ABAT: variants seen among roughly 807,000 people sequenced by gnomAD.
ABAT encodes the protein 4-aminobutyrate aminotransferase.
In ABAT, 45 loss-of-function variants were observed where a neutral mutation model predicts 64.6. That is an observed-to-expected ratio of 0.70 (90% CI 0.55 to 0.89). ABAT has a LOEUF of 0.89. Among genes scored for constraint, ABAT ranks in the 40% least tolerant of loss-of-function variants. The pLI, the probability that ABAT is intolerant of heterozygous loss-of-function variation, is 0.00. For synonymous variants in ABAT, 297 were observed against 250.5 expected (o/e 1.19, Z -1.75); for missense variants, 633 against 658.4 (o/e 0.96, Z 0.42).
At chr16:8,680,909 GTTGTCTTT>G (rs758267897) in intron 1 of ABAT, among the ~76,000 whole-genome samples, 4 of 151,912 alleles carry the variant, frequency 2.6e-5, no homozygotes, top group East Asian at 3.9e-4. Flanking sequence ...TTTGAATTGA[GTTGTCTTT>G]TTGTCTTTTT....
chr16:8,772,637 C>A, intron 11 of ABAT, 143 bp from the exon 12 acceptor site: 2 of 1,166,536 alleles, frequency 1.7e-6, no homozygotes, highest in Non-Finnish European at 2.5e-6. Flanking sequence ...TAGCTTCTAA[C>A]AGAGGCTTCA....
At chr16:8,739,738 A>G (rs993783208) in intron 2 of ABAT, among the ~76,000 whole-genome samples, 1 of 140,180 alleles carries the variant, frequency 7.1e-6, no homozygotes, top group African/African-American at 2.6e-5. Context: ...GCATGGAAAT[A>G]CAGGCACAAT....
chr16:8,691,454 T>C (rs1035443873), intron 1 of ABAT, among the ~76,000 whole-genome samples: 2 of 152,146 alleles, frequency 1.3e-5, no homozygotes, highest in Non-Finnish European at 2.9e-5. Flanking sequence ...TTTTTTTTTT[T>C]TCCAAGACAG....
rs772511380 is a variant in ABAT, at chr16:8,738,616, G to GTTTTT, written c.70+2808_70+2812dup. ...TTTTTTCTTTTTTGTTTTTGTTTTT[G>GTTTTT]TTTTTGTTTTTGTTTTTTTTTTGGT... On this transcript the variant is annotated intron_variant, in intron 2 of 15. Coordinates refer to ENST00000268251, the MANE Select transcript of ABAT (RefSeq NM_020686.6). Among the ~76,000 whole-genome samples, 449 of 117,546 alleles carry GTTTTT rather than the reference G, an allele frequency of 3.8e-3. 67 individuals carry two copies. The highest frequency in any genetic ancestry group is 0.011 in the African/African-American group (282 of 26,210). The allele number at this position is 117,546 out of a possible 152,430, so 77.1% of individuals were successfully genotyped here. A position where few individuals can be genotyped will look rare whatever the true frequency, so the allele number is the denominator to read the frequency against.
chr16:8,700,693 A>T (rs138891887), intron 1 of ABAT, among the ~76,000 whole-genome samples: 124 of 152,186 alleles, frequency 8.1e-4, no homozygotes, highest in African/African-American at 2.8e-3. Flanking sequence ...AACTCCTGGG[A>T]TCAAGCAGTC....
chr16:8,776,478 G>A lies in ABAT; in HGVS notation c.1257G>A (p.Leu419=), dbSNP rs1192973748. The change falls in exon 14 of 16, where the codon CTG becomes CTA. Residue 419 remains leucine (L), a synonymous_variant. Transcript: ENST00000268251. This position sits in a 1 kb window ranked among gnomAD's most constrained non-coding sequence, Gnocchi z 4.4. ...CCGGGAAGGCCCTGCTCACAGGACT[G>A]CTGGACCTCCAGGTAACACCCCCTC... ...AHAGKALLTG[L]LDLQARYPQF... 28 of 1,613,800 alleles carry A rather than the reference G, an allele frequency of 1.7e-5. No individual in the cohort carries two copies. Among genetic ancestry groups the A allele is most frequent in the Non-Finnish European group, 2.4e-5 (28 of 1,179,952 alleles).
At chr16:8,774,853 G>A (rs751123601) in intron 12 of ABAT, 37 bp from the exon 13 acceptor site, 32 of 1,611,770 alleles carry the variant, frequency 2.0e-5, no homozygotes, top group Non-Finnish European at 2.6e-5. Flanking sequence ...GCCTCCCACG[G>A]GTGTTTATTT....
At chr16:8,728,163 GA>G (rs1177400770) in intron 1 of ABAT, among the ~76,000 whole-genome samples, 4 of 152,168 alleles carry the variant, frequency 2.6e-5, no homozygotes, top group African/African-American at 9.7e-5. Context: ...TGAATTAGTG[GA>G]TGAGAGGGAG....
chr16:8,741,351 G>C (rs1217325371), intron 2 of ABAT, among the ~76,000 whole-genome samples: 1 of 152,238 alleles, frequency 6.6e-6, no homozygotes, highest in Non-Finnish European at 1.5e-5. Context: ...ATCAAAGATA[G>C]CCTCAGTTCC....
chr16:8,779,612 C>T, intron 15 of ABAT, 22 bp downstream of exon 15: 1 of 1,596,326 alleles, frequency 6.3e-7, no homozygotes, highest in Middle Eastern at 1.7e-4. Flanking sequence ...GGAGTGGCTG[C>T]TGAGTTTCAT....
Position 8,707,249 on chromosome 16 carries a change from C to G in ABAT, c.-41-28450C>G, listed in dbSNP as rs529906241. Among the ~76,000 whole-genome samples the G allele has an allele frequency of 1.3e-3, 194 of 152,022 alleles. 2 individuals carry two copies. The highest frequency in any genetic ancestry group is 0.013 in the Admixed American group (191 of 15,246). On this transcript the variant is annotated intron_variant, in intron 1 of 15. Transcript: ENST00000268251. ...TCACCCAGGCTTGAGTACAGTGGTG[C>G]AATCATGGCTCACTGCAGCCTCGAC... is the stretch of plus-strand genomic sequence containing the variant.
At chr16:8,754,664 TTATTTATTTCTTTCTTTCTTTCTTTC>T (rs1381574915) in intron 5 of ABAT, among the ~76,000 whole-genome samples, 5 of 9,704 alleles carry the variant, frequency 5.2e-4, no homozygotes, top group Non-Finnish European at 2.1e-3. Context: ...GCAAGTTGAT[TTATTTATTTCTTTCTTTCTTTCTTTC>T]TTTCTTTCTT....
At chr16:8,730,477 T>C (rs2058685797) in intron 1 of ABAT, among the ~76,000 whole-genome samples, 1 of 152,196 alleles carries the variant, frequency 6.6e-6, no homozygotes, top group South Asian at 2.1e-4. Flanking sequence ...CACCTGAACC[T>C]GTACTCTGAA....
intron 6 of ABAT, among the ~76,000 whole-genome samples, chr16:8,758,116 G>C (rs1376634333): frequency 1.3e-5 from 2 of 152,214 alleles, no homozygotes; most frequent in African/African-American, 4.8e-5. Context: ...TTTATGGAGA[G>C]CATAATTTGT....
Position 8,764,695 on chromosome 16 carries a change from A to G in ABAT, c.448-43A>G. 1 of 1,555,290 alleles carries G rather than the reference A, an allele frequency of 6.4e-7. No homozygotes were observed. The highest frequency in any genetic ancestry group is 2.2e-5 in the East Asian group (1 of 44,574). On this transcript the variant is annotated intron_variant, in intron 7 of 15. Transcript: ENST00000268251. This position sits in a 1 kb window ranked among gnomAD's most constrained non-coding sequence, Gnocchi z 4.2. The stretch of plus-strand genomic sequence containing the variant: ...CAGCCAGGGGAAGCGGGAGGACAGG[A>G]GTCATGATGAGCCTGGGCTCACGGC...
chr16:8,780,132 G>A (rs2060390001), intron 15 of ABAT, among the ~76,000 whole-genome samples: 1 of 152,102 alleles, frequency 6.6e-6, no homozygotes, highest in Non-Finnish European at 1.5e-5. Context: ...ATGGCCTGAG[G>A]TGGGATGGAG....
At chr16:8,716,238 C>A (rs917159276) in intron 1 of ABAT, among the ~76,000 whole-genome samples, 2 of 152,188 alleles carry the variant, frequency 1.3e-5, no homozygotes, top group African/African-American at 4.8e-5. Flanking sequence ...AAAGATACTA[C>A]ATGGCTGTGT....
intron 1 of ABAT, among the ~76,000 whole-genome samples, chr16:8,675,776 G>A (rs1730960): frequency 0.082 from 12,551 of 152,166 alleles, 640 homozygotes; most frequent in Middle Eastern, 0.13. Flanking sequence ...CCCGCTCCCT[G>A]CCCCAACACA....
intron 1 of ABAT, among the ~76,000 whole-genome samples, chr16:8,704,906 G>A (rs941146045): frequency 6.6e-6 from 1 of 151,958 alleles, no homozygotes; most frequent in Admixed American, 6.6e-5. Flanking sequence ...GGCTGGTCTC[G>A]AACTCCTGGC....
Sources: gnomAD v4.1 joint callset for allele counts (sites outside exome capture counted in the v4.1 genomes callset) on GRCh38, gnomAD v4.1.1 for gene constraint, Gnocchi (gnomAD v3.1) non-coding constraint, MANE v1.5 for transcripts, NCBI Gene and HGNC (gene_info 2026-07-23, HGNC 2026-07-21) for gene names.